Variants in CDH4 observed in about 807,000 individuals in gnomAD.
CDH4 encodes the protein cadherin-4.
A neutral mutation model predicts 86.0 loss-of-function variants in CDH4; 33 were observed. That is an observed-to-expected ratio of 0.38 (90% CI 0.29 to 0.51). The LOEUF (loss-of-function observed/expected upper bound fraction) is 0.51, where lower values mean the gene tolerates loss of function less well. Ranked by LOEUF, CDH4 falls within the 20% of genes least tolerant of loss-of-function variation. The pLI, the probability that CDH4 is intolerant of heterozygous loss-of-function variation, is 0.86. For synonymous variants in CDH4, 555 were observed against 549.4 expected (o/e 1.01, Z -0.14); for missense variants, 1,114 against 1,307.4 (o/e 0.85, Z 2.28).
At chr20:61,404,120 AG>A (rs2085065826) in intron 2 of CDH4, among the ~76,000 whole-genome samples, 1 of 135,326 alleles carries the variant, frequency 7.4e-6, no homozygotes, top group South Asian at 2.2e-4. Flanking sequence ...GGGCAGGTGC[AG>A]CTGAGCTGGT....
intron 2 of CDH4, among the ~76,000 whole-genome samples, chr20:61,321,612 G>A (rs1432719254): frequency 2.0e-5 from 3 of 152,150 alleles, no homozygotes; most frequent in Non-Finnish European, 2.9e-5. Context: ...CCATGTAGAC[G>A]TGCGGTGAGC....
intron 2 of CDH4, among the ~76,000 whole-genome samples, chr20:61,483,809 C>CA (rs2085581220): frequency 6.6e-6 from 1 of 152,092 alleles, no homozygotes; most frequent in African/African-American, 2.4e-5. Context: ...AACCATGCAG[C>CA]TGAGCTCCGT....
intron 5 of CDH4, among the ~76,000 whole-genome samples, chr20:61,845,119 C>T (rs1241746429): frequency 6.6e-6 from 1 of 152,210 alleles, no homozygotes; most frequent in East Asian, 1.9e-4. Flanking sequence ...TCCAGAAGGC[C>T]TCCATCCACG....
intron 2 of CDH4, among the ~76,000 whole-genome samples, chr20:61,716,019 C>T (rs1433675761): frequency 6.6e-6 from 1 of 152,242 alleles, no homozygotes; most frequent in Non-Finnish European, 1.5e-5. Context: ...ACCGTGGCTC[C>T]AGGCAGCAGC....
chr20:61,654,252 G>A (rs901594788), intron 2 of CDH4, among the ~76,000 whole-genome samples: 3 of 151,814 alleles, frequency 2.0e-5, no homozygotes, highest in East Asian at 1.9e-4. Flanking sequence ...GCGAAACCCC[G>A]TCTCCACCAA....
rs930592603 is a variant in CDH4, at chr20:61,516,128, C to T, written c.170-227435C>T. On this transcript the variant is annotated intron_variant, in intron 2 of 15. Transcript: ENST00000614565. This position sits in a 1 kb window ranked among gnomAD's most constrained non-coding sequence, Gnocchi z 4.0. The stretch of plus-strand genomic sequence containing the variant: ...GCGTTGCACTGGCAGAGGGGCAGCA[C>T]AGGACTTAATTCTGCAGCCAGGCCC... 3.3e-5 allele frequency among the ~76,000 whole-genome samples: 5 copies of T among 152,166 alleles called. No individual in the cohort carries two copies. The South Asian group carries it at 8.3e-4, about 25-fold the overall frequency.
chr20:61,359,437 A>G (rs1430029194), intron 2 of CDH4, among the ~76,000 whole-genome samples: 2 of 152,194 alleles, frequency 1.3e-5, no homozygotes, highest in African/African-American at 4.8e-5. Context: ...ACCGCTGTGA[A>G]GCTCCCGACT....
intron 2 of CDH4, among the ~76,000 whole-genome samples, chr20:61,531,998 A>T (rs2085958205): frequency 6.6e-6 from 1 of 152,272 alleles, no homozygotes; most frequent in Non-Finnish European, 1.5e-5. Flanking sequence ...GAGGATCCTC[A>T]GCTGTGGAAA....
At chr20:61,854,311 G>T (rs1014810001) in intron 6 of CDH4, among the ~76,000 whole-genome samples, 2 of 152,202 alleles carry the variant, frequency 1.3e-5, no homozygotes, top group African/African-American at 2.4e-5. Context: ...TGCTCGTGGA[G>T]GTGGCTGCGT....
At chr20:61,358,389 T>C (rs980769339) in intron 2 of CDH4, among the ~76,000 whole-genome samples, 3 of 152,172 alleles carry the variant, frequency 2.0e-5, no homozygotes, top group Non-Finnish European at 4.4e-5. Context: ...CACGAGGGGC[T>C]CAGGGTCCGG....
At chr20:61,721,510 G>A (rs6121778) in intron 2 of CDH4, among the ~76,000 whole-genome samples, 6,036 of 152,230 alleles carry the variant, frequency 0.04, 299 homozygotes, top group African/African-American at 0.12. Flanking sequence ...TACACCCAAG[G>A]GTAAAATGTC....
chr20:61,459,461 G>A lies in CDH4; in HGVS notation c.169+204524G>A, dbSNP rs537902966. ...CGTATTGGTATTGTGTAGGGAGCCA[G>A]GGGTGCCTGCGCCCCCCAGGACTCC... On this transcript the variant is annotated intron_variant, in intron 2 of 15. Transcript: ENST00000614565. Among the ~76,000 whole-genome samples the A allele has an allele frequency of 1.9e-4, 28 of 150,104 alleles. No individual in the cohort carries two copies. The South Asian group carries it at 6.1e-3, about 33-fold the overall frequency.
intron 13 of CDH4, among the ~76,000 whole-genome samples, chr20:61,931,921 G>A (rs943420230): frequency 6.6e-6 from 1 of 152,124 alleles, no homozygotes. Flanking sequence ...TTGAGTGGTG[G>A]AAAGAGCCCC....
chr20:61,697,948 C>T (rs1021912344), intron 2 of CDH4, among the ~76,000 whole-genome samples: 1 of 152,252 alleles, frequency 6.6e-6, no homozygotes, highest in Non-Finnish European at 1.5e-5. Context: ...AGAGCCAGGG[C>T]TGGGCAGCAG....
chr20:61,716,654 A>G (rs941382734), intron 2 of CDH4, among the ~76,000 whole-genome samples: 1 of 152,244 alleles, frequency 6.6e-6, no homozygotes, highest in Non-Finnish European at 1.5e-5. Flanking sequence ...CACACCTGTA[A>G]TCCCAGCACT....
At chr20:61,556,795 G>A (rs2086181118) in intron 2 of CDH4, among the ~76,000 whole-genome samples, 1 of 152,118 alleles carries the variant, frequency 6.6e-6, no homozygotes, top group African/African-American at 2.4e-5. Flanking sequence ...GCTGTCCTCT[G>A]CACAGCTGCT....
At chr20:61,430,053 T>C (rs544439264) in intron 2 of CDH4, among the ~76,000 whole-genome samples, 1 of 152,306 alleles carries the variant, frequency 6.6e-6, no homozygotes, top group South Asian at 2.1e-4. Flanking sequence ...TCAGCAGATT[T>C]CCCATGGATC....
chr20:61,858,051 C>T (rs559417958), intron 6 of CDH4, among the ~76,000 whole-genome samples: 1 of 136,216 alleles, frequency 7.3e-6, no homozygotes, highest in East Asian at 2.3e-4. Context: ...GTCTGTGTGT[C>T]TCTGTGTGTG....
At chr20:61,650,107 A>G (rs905230715) in intron 2 of CDH4, among the ~76,000 whole-genome samples, 3 of 152,164 alleles carry the variant, frequency 2.0e-5, no homozygotes, top group Non-Finnish European at 4.4e-5. Context: ...CTTCCAGTGT[A>G]TTCTCCTCCA....
Sources: gnomAD v4.1 joint callset for allele counts (sites outside exome capture counted in the v4.1 genomes callset) on GRCh38, gnomAD v4.1.1 for gene constraint, Gnocchi (gnomAD v3.1) non-coding constraint, MANE v1.5 for transcripts, NCBI Gene and HGNC (gene_info 2026-07-23, HGNC 2026-07-21) for gene names.